The following SPSB4 variants were observed in gnomAD, a reference collection of about 807,000 sequenced individuals.
SPSB4 encodes the protein splA/ryanodine receptor domain and SOCS box containing 4, also known as SPRY domain-containing SOCS box protein 4.
Under a neutral mutation model 20.9 loss-of-function variants are expected in SPSB4, and 21 were observed. The observed-to-expected ratio is 1.01, with a 90% CI of 0.71 to 1.45. The LOEUF (loss-of-function observed/expected upper bound fraction) is 1.45. SPSB4 is among the 40% of genes most tolerant of loss of function. SPSB4 has a pLI of 0.00. For missense variants in SPSB4, 399 were observed against 399.2 expected (o/e 1.00, Z 0.00); for synonymous variants, 207 against 183.8 (o/e 1.13, Z -1.02).
intron 2 of SPSB4, among the ~76,000 whole-genome samples, chr3:141,099,865 T>C (rs1443885992): frequency 6.6e-6 from 1 of 152,234 alleles, no homozygotes; most frequent in African/African-American, 2.4e-5. Flanking sequence ...TTTACTTCTT[T>C]CTGAGAATCC....
chr3:141,124,833 C>T (rs899636296), intron 2 of SPSB4, among the ~76,000 whole-genome samples: 6 of 152,026 alleles, frequency 3.9e-5, no homozygotes, highest in African/African-American at 7.3e-5. Context: ...GGCATGTGGA[C>T]CAGTGTATTA....
intron 2 of SPSB4, among the ~76,000 whole-genome samples, chr3:141,082,629 A>G (rs535063712): frequency 6.6e-5 from 10 of 151,282 alleles, no homozygotes; most frequent in Non-Finnish European, 1.2e-4. Flanking sequence ...CTATCTATCT[A>G]TCTATCTATC....
rs541293905 is a variant in SPSB4 at position 141,066,319 on chromosome 3, G to C, written c.215G>C (p.Arg72Pro). 9.3e-5 allele frequency: 146 copies of C among 1,572,622 alleles called. 2 individuals are homozygous for C. The South Asian group carries it at 1.6e-3, about 17-fold the overall frequency. Residue 72 changes from arginine to proline, a missense_variant, in exon 2 of 3, where the codon CGG becomes CCG. Coordinates refer to ENST00000310546, the MANE Select transcript of SPSB4 (RefSeq NM_080862.3). Reference sequence around the variant, plus strand: ...AACGTCTTCGTCAAGGACGACGACCGGCTCACCTTCCACCGGCACCCCGTG... The same window carrying C: ...AACGTCTTCGTCAAGGACGACGACCCGCTCACCTTCCACCGGCACCCCGTG... ...SLNVFVKDDD[R>P]LTFHRHPVAQ...
At chr3:141,081,585 G>A (rs977776822) in intron 2 of SPSB4, among the ~76,000 whole-genome samples, 2 of 152,076 alleles carry the variant, frequency 1.3e-5, no homozygotes, top group Non-Finnish European at 2.9e-5. Context: ...GGTAGCCACT[G>A]ACAGGAGGTA....
intron 2 of SPSB4, among the ~76,000 whole-genome samples, chr3:141,084,397 G>A (rs1000578077): frequency 4.6e-5 from 7 of 151,976 alleles, no homozygotes; most frequent in South Asian, 2.1e-4. Context: ...TAAATCAAAC[G>A]GGTCCCTGGA....
chr3:141,125,796 A>G (rs930733565), intron 2 of SPSB4, among the ~76,000 whole-genome samples: 1 of 152,226 alleles, frequency 6.6e-6, no homozygotes, highest in African/African-American at 2.4e-5. Context: ...TAATGACACC[A>G]AAAACAAAAC....
At chr3:141,091,833 G>A (rs562502408) in intron 2 of SPSB4, among the ~76,000 whole-genome samples, 1 of 152,330 alleles carries the variant, frequency 6.6e-6, no homozygotes, top group Non-Finnish European at 1.5e-5. Context: ...AGGGAACACA[G>A]GCTGCAACCT....
At chr3:141,053,044 A>T (rs1449161444) in intron 1 of SPSB4, among the ~76,000 whole-genome samples, 2 of 152,042 alleles carry the variant, frequency 1.3e-5, no homozygotes, top group Non-Finnish European at 1.5e-5. Context: ...TTGGGTTCGA[A>T]TCTGTCTCCA....
chr3:141,100,550 T>C (rs934242643), intron 2 of SPSB4, among the ~76,000 whole-genome samples: 13 of 152,232 alleles, frequency 8.5e-5, no homozygotes, highest in African/African-American at 2.4e-5. Context: ...GTAGACACCT[T>C]GATCTTGGGC....
At chr3:141,110,996 G>A (rs1483019027) in intron 2 of SPSB4, among the ~76,000 whole-genome samples, 1 of 152,198 alleles carries the variant, frequency 6.6e-6, no homozygotes, top group Non-Finnish European at 1.5e-5. Flanking sequence ...AGTGGTTATA[G>A]ACTTGGGCTC....
chr3:141,121,825 C>A (rs1938972064), intron 2 of SPSB4, among the ~76,000 whole-genome samples: 3 of 152,312 alleles, frequency 2.0e-5, no homozygotes, highest in Admixed American at 2.0e-4. Flanking sequence ...AACCTTTCTT[C>A]AAGGTTTTTA....
chr3:141,058,890 G>GC (rs1289630805), intron 1 of SPSB4, among the ~76,000 whole-genome samples: 2 of 152,120 alleles, frequency 1.3e-5, no homozygotes, highest in African/African-American at 4.8e-5. Context: ...TTTAGCCCTG[G>GC]CCCTTTCTCT....
intron 2 of SPSB4, among the ~76,000 whole-genome samples, chr3:141,087,808 C>T (rs1050064861): frequency 6.6e-6 from 1 of 152,102 alleles, no homozygotes; most frequent in African/African-American, 2.4e-5. Context: ...TGTCTCTAGT[C>T]GCCTGTGAGG....
chr3:141,070,102 G>A (rs1937968480), intron 2 of SPSB4, among the ~76,000 whole-genome samples: 2 of 152,192 alleles, frequency 1.3e-5, no homozygotes, highest in African/African-American at 4.8e-5. Flanking sequence ...TAACTACAAA[G>A]AGCTGCAGGA....
intron 2 of SPSB4, among the ~76,000 whole-genome samples, chr3:141,109,569 G>A (rs1938760759): frequency 6.6e-6 from 1 of 152,098 alleles, no homozygotes; most frequent in African/African-American, 2.4e-5. Flanking sequence ...GCCATTACAG[G>A]CAGAGAAGCT....
intron 2 of SPSB4, among the ~76,000 whole-genome samples, chr3:141,116,679 T>G (rs939571607): frequency 3.3e-5 from 5 of 152,210 alleles, no homozygotes; most frequent in African/African-American, 7.2e-5. Context: ...TGGGTTGTTA[T>G]GAGGATTAAA....
intron 2 of SPSB4, among the ~76,000 whole-genome samples, chr3:141,092,803 C>G (rs533598280): frequency 6.6e-6 from 1 of 152,388 alleles, no homozygotes; most frequent in East Asian, 1.9e-4. Flanking sequence ...TGCACGCTCA[C>G]TGTCTTGTCA....
At chr3:141,091,801 C>T (rs1352156913) in intron 2 of SPSB4, among the ~76,000 whole-genome samples, 1 of 152,172 alleles carries the variant, frequency 6.6e-6, no homozygotes, top group Non-Finnish European at 1.5e-5. Flanking sequence ...ACCAGGGGCC[C>T]GGGTTCATGC....
At chr3:141,124,683 G>A (rs1333395649) in intron 2 of SPSB4, among the ~76,000 whole-genome samples, 1 of 152,190 alleles carries the variant, frequency 6.6e-6, no homozygotes. Context: ...GAGGGACATT[G>A]TGAGTGTGTC....
Sources: allele counts gnomAD v4.1 joint callset (sites outside exome capture counted in the v4.1 genomes callset), GRCh38; gene constraint gnomAD v4.1.1; transcripts MANE v1.5; gene names NCBI Gene and HGNC (gene_info 2026-07-23, HGNC 2026-07-21).